Variants in LAMA2 observed in about 807,000 individuals in gnomAD.
LAMA2 encodes the protein laminin subunit alpha-2.
Under a neutral mutation model 364.8 loss-of-function variants are expected in LAMA2, and 269 were observed. The ratio of observed to expected loss-of-function variants is 0.74; its 90% CI spans 0.67 to 0.82. The LOEUF (loss-of-function observed/expected upper bound fraction) is 0.82. Among genes scored for constraint, LAMA2 ranks in the 40% least tolerant of loss-of-function variants. The pLI, the probability that LAMA2 is intolerant of heterozygous loss-of-function variation, is 0.00. For synonymous variants in LAMA2, 1,379 were observed against 1,370.6 expected (o/e 1.01, Z -0.14); for missense variants, 3,807 against 3,873.2 (o/e 0.98, Z 0.45).
chr6:129,370,161 A>G (rs1478453586), intron 34 of LAMA2, among the ~76,000 whole-genome samples, 171 bp downstream of exon 34: 1 of 152,248 alleles, frequency 6.6e-6, no homozygotes, highest in Non-Finnish European at 1.5e-5. Context: ...CATAGAAATC[A>G]GTAGCACGCA....
In LAMA2 at chr6:129,165,617, C is replaced by T. The variant is rs371944692; in HGVS notation, c.1248C>T (p.Cys416=). Residue 416 remains cysteine (C), a synonymous_variant, in exon 9 of 65, where the codon TGC becomes TGT. Transcript: ENST00000421865. ...CAAGGCCATGCCAGCCATGTCATTG[C>T]GATCCAATTGGTTCCTTAAATGAAG... ...NYPRPCQPCH[C]DPIGSLNEVC... is the part of the protein sequence containing the mutation. The T allele has an allele frequency of 3.2e-5, 51 of 1,612,838 alleles. No individual in the cohort carries two copies. The highest frequency in any genetic ancestry group is 4.1e-5 in the Non-Finnish European group (48 of 1,179,284).
rs866067624 is a variant in LAMA2 at position 128,998,617 on chromosome 6, G to C, written c.113-51301G>C. On this transcript the variant is annotated intron_variant, in intron 1 of 64. Transcript: ENST00000421865. Reference sequence around the variant, plus strand: ...CAAGGGGTCAGGGAGTTCCCTTTCCGAGTCAAAGAAAGGGGTGACGGACGC... The same window carrying C: ...CAAGGGGTCAGGGAGTTCCCTTTCCCAGTCAAAGAAAGGGGTGACGGACGC... Among the ~76,000 whole-genome samples the C allele has an allele frequency of 2.8e-4, 3 of 10,814 alleles. 1 individual carries two copies. The highest frequency in any genetic ancestry group is 7.2e-4 in the Non-Finnish European group (2 of 2,782). 7.1% of individuals were successfully genotyped at this position (10,814 alleles called of 152,430 possible).
At chr6:129,150,584 G>A (rs899303153) in intron 7 of LAMA2, among the ~76,000 whole-genome samples, 5 of 152,130 alleles carry the variant, frequency 3.3e-5, no homozygotes, top group Non-Finnish European at 7.4e-5. Flanking sequence ...AGCAATAGAG[G>A]TAGACTAAGC....
chr6:129,321,095 A>G (rs1376774301), intron 28 of LAMA2, among the ~76,000 whole-genome samples: 1 of 152,194 alleles, frequency 6.6e-6, no homozygotes, highest in African/African-American at 2.4e-5. Context: ...AGGGAAACAT[A>G]TCTTTGTTCC....
intron 9 of LAMA2, among the ~76,000 whole-genome samples, chr6:129,167,603 A>G (rs1779843349): frequency 6.6e-6 from 1 of 152,046 alleles, no homozygotes; most frequent in Non-Finnish European, 1.5e-5. Context: ...GCTATTGTGG[A>G]TAATGCCGCA....
At chr6:129,146,623 T>C (rs911900062) in intron 5 of LAMA2, among the ~76,000 whole-genome samples, 42 of 152,054 alleles carry the variant, frequency 2.8e-4, no homozygotes, top group Non-Finnish European at 1.0e-4. Flanking sequence ...AGAAACTATG[T>C]AAAACAACTT....
chr6:129,090,665 TCTA>T (rs1488266094), intron 3 of LAMA2, among the ~76,000 whole-genome samples: 2 of 152,240 alleles, frequency 1.3e-5, no homozygotes, highest in African/African-American at 4.8e-5. Flanking sequence ...TGCATATTTC[TCTA>T]CTACTATATT....
chr6:129,351,661 A>C (rs1487161234), intron 31 of LAMA2, among the ~76,000 whole-genome samples: 1 of 152,094 alleles, frequency 6.6e-6, no homozygotes, highest in African/African-American at 2.4e-5. Flanking sequence ...AAACTGCTTA[A>C]ATTTCTTGAG....
chr6:128,883,799 TATACACACACACACACAC>T (rs1222403424), intron 1 of LAMA2, among the ~76,000 whole-genome samples: 1 of 135,362 alleles, frequency 7.4e-6, no homozygotes, highest in African/African-American at 2.8e-5. Flanking sequence ...TATATATATA[TATACACACACACACACAC>T]ACACACACAC....
chr6:129,143,240 T>C (rs1344700622), intron 4 of LAMA2, among the ~76,000 whole-genome samples: 1 of 152,016 alleles, frequency 6.6e-6, no homozygotes, highest in East Asian at 1.9e-4. Context: ...TCCATTCAGG[T>C]TTAACATATT....
intron 1 of LAMA2, among the ~76,000 whole-genome samples, chr6:128,919,233 G>T (rs1167029510): frequency 2.0e-5 from 3 of 152,014 alleles, no homozygotes; most frequent in African/African-American, 7.3e-5. Context: ...TTCCCTCTTT[G>T]TATGTATTTA....
rs1583663327 is a variant in LAMA2, at chr6:129,401,100, A to G, written c.5446-124A>G. 3.9e-6 allele frequency: 3 copies of G among 769,826 alleles called. No homozygotes were observed. The East Asian group carries it at 7.4e-5, about 19-fold the overall frequency. 47.7% of individuals were successfully genotyped at this position (769,826 alleles called of 1,614,324 possible). On this transcript the variant is annotated intron_variant, in intron 37 of 64. Transcript: ENST00000421865. ...TAGTTTATATTTTTCTCATCTAGCC[A>G]CATTTCAACATGATGTACCTTTTTT...
intron 12 of LAMA2, among the ~76,000 whole-genome samples, chr6:129,229,430 G>A (rs1359206912): frequency 6.6e-6 from 1 of 152,132 alleles, no homozygotes. Context: ...TAAGAGTGGG[G>A]AAGAGTTGAA....
At chr6:129,033,524 A>G (rs1786387289) in intron 1 of LAMA2, among the ~76,000 whole-genome samples, 5 of 152,078 alleles carry the variant, frequency 3.3e-5, no homozygotes, top group Admixed American at 3.3e-4. Context: ...TCATTGTTTT[A>G]TTTTTATTTT....
intron 15 of LAMA2, among the ~76,000 whole-genome samples, chr6:129,262,583 T>C (rs1470608349): frequency 6.6e-6 from 1 of 152,178 alleles, no homozygotes; most frequent in Non-Finnish European, 1.5e-5. Context: ...AAGAACTTAA[T>C]TGAATCAAGA....
chr6:129,055,225 T>C (rs866355634), intron 2 of LAMA2, among the ~76,000 whole-genome samples: 3 of 148,450 alleles, frequency 2.0e-5, no homozygotes, highest in Admixed American at 6.7e-5. Flanking sequence ...GGAGTCTCAC[T>C]CTGTCACCCG....
chr6:129,168,725 G>A (rs577118626), intron 9 of LAMA2, among the ~76,000 whole-genome samples: 2,560 of 142,460 alleles, frequency 0.018, 100 homozygotes, highest in African/African-American at 0.064. Context: ...GCTTGATGGG[G>A]ATGGCATTGA....
At chr6:129,170,325 C>G (rs1396069576) in intron 9 of LAMA2, among the ~76,000 whole-genome samples, 1 of 147,666 alleles carries the variant, frequency 6.8e-6, no homozygotes, top group Non-Finnish European at 1.5e-5. Context: ...CCTCTACACA[C>G]TGCTTTGAAT....
chr6:129,280,780 C>T (rs1158034986), intron 18 of LAMA2, among the ~76,000 whole-genome samples: 2 of 152,146 alleles, frequency 1.3e-5, no homozygotes, highest in African/African-American at 4.8e-5. Flanking sequence ...TCAGCCTCAG[C>T]ATAAAAGTGA....
Sources: gnomAD v4.1 joint callset for allele counts (sites outside exome capture counted in the v4.1 genomes callset) on GRCh38, gnomAD v4.1.1 for gene constraint, MANE v1.5 for transcripts, NCBI Gene and HGNC (gene_info 2026-07-23, HGNC 2026-07-21) for gene names.